SYMPK: variants seen among roughly 807,000 people sequenced by gnomAD.
SYMPK encodes symplekin.
In SYMPK, 49 loss-of-function variants were observed where a neutral mutation model predicts 136.4. That is an observed-to-expected ratio of 0.36 (90% CI 0.29 to 0.46). SYMPK has a LOEUF of 0.46. Among genes scored for constraint, SYMPK ranks in the 20% least tolerant of loss-of-function variants. The pLI, the probability that SYMPK is intolerant of heterozygous loss-of-function variation, is 1.00. For missense variants in SYMPK, 1,365 were observed against 1,690.0 expected, an observed-to-expected ratio of 0.81 and a Z score of 3.37; for synonymous variants, 766 against 713.0, an observed-to-expected ratio of 1.07 and a Z score of -1.19.
chr19:45,831,507 C>T lies in SYMPK; in HGVS notation c.1475G>A (p.Arg492His), dbSNP rs776672448. The T allele has an allele frequency of 5.0e-6, 8 of 1,611,276 alleles. No individual in the cohort carries two copies. The highest frequency in any genetic ancestry group is 1.3e-5 in the African/African-American group (1 of 74,778). ...GATGGCTTGGCCCTGGGCTGACAGG[C>T]GCCGCTTGATCAGGACGCTCTCTGT... ...VKTESVLIKR[R>H]LSAQGQAISV... is the part of the protein sequence containing the mutation. Residue 492 changes from arginine (R) to histidine (H), a missense_variant, in exon 12 of 27, where the codon CGC becomes CAC. Physicochemically the swap from Arg to His is conservative, Grantham distance 29 (BLOSUM62 0). This residue lies in a region of SYMPK where 46 missense variants were observed against 63.9 expected (regional missense o/e 0.72). Coordinates refer to ENST00000245934, the MANE Select transcript of SYMPK (RefSeq NM_004819.3).
chr19:45,849,861 C>T lies in SYMPK; in HGVS notation c.300-985G>A, dbSNP rs557419278. Among the ~76,000 whole-genome samples the T allele has an allele frequency of 1.4e-4, 22 of 152,036 alleles. No individual in the cohort carries two copies. In the South Asian group the frequency reaches 3.9e-3, roughly 27 times the overall value. On this transcript the variant is annotated intron_variant, in intron 5 of 26. Coordinates refer to ENST00000245934, the MANE Select transcript of SYMPK (RefSeq NM_004819.3). Reference sequence around the variant, plus strand: ...AGGAGTTTGAGACCAGCTTGACCAACGTGGTGAAACCCCATCTCTACTAAA... The same window carrying T: ...AGGAGTTTGAGACCAGCTTGACCAATGTGGTGAAACCCCATCTCTACTAAA...
chr19:45,854,553 C>A (rs2287718), intron 1 of SYMPK, 46 bp from the exon 2 acceptor site: 235,352 of 1,521,932 alleles, frequency 0.15, 18,726 homozygotes, highest in Admixed American at 0.21. Flanking sequence ...AGGGAACCAG[C>A]GGATGGGCTG....
In SYMPK at chr19:45,815,871, G is replaced by C. The variant is rs749343135; in HGVS notation, c.3667C>G (p.Leu1223Val). Reference protein sequence around the residue: ...LTEAALLDSSLEGPLPKETAA... With the variant: ...LTEAALLDSSVEGPLPKETAA... ...CCTACCTTGGGTAGGGGGCCCTCGAGACTAGAGTCCAACAGCGCGGCCTCG... is the reference window on the plus strand; with the variant it reads ...CCTACCTTGGGTAGGGGGCCCTCGACACTAGAGTCCAACAGCGCGGCCTCG... The change falls in exon 26 of 27, where the codon CTC becomes GTC. Residue 1223 changes from leucine to valine, a missense_variant. Leu to Val is a conservative substitution (Grantham distance 32, BLOSUM62 1). Coordinates refer to ENST00000245934, the MANE Select transcript of SYMPK (RefSeq NM_004819.3). 4 of 1,611,722 alleles carry C rather than the reference G, an allele frequency of 2.5e-6. No individual in the cohort carries two copies. The South Asian group carries it at 4.4e-5, about 18-fold the overall frequency.
chr19:45,823,657 A>T (rs1971143185), intron 19 of SYMPK, 110 bp downstream of exon 19: 1 of 1,050,816 alleles, frequency 9.5e-7, no homozygotes, highest in African/African-American at 1.6e-5. Context: ...ACAGGCACAG[A>T]CCCGCAAGAG....
In SYMPK at chr19:45,826,342, C is replaced by T. The variant is rs777036662; in HGVS notation, c.2213G>A (p.Arg738His). 2.5e-6 allele frequency: 4 copies of T among 1,613,978 alleles called. No homozygotes were observed. In the East Asian group the frequency reaches 6.7e-5, roughly 27 times the overall value. Residue 738 changes from arginine (R) to histidine (H), a missense_variant, in exon 17 of 27, where the codon CGC (arginine) becomes CAC (histidine). By Grantham distance (29) the Arg-to-His change is conservative. Transcript: ENST00000245934. The stretch of plus-strand genomic sequence containing the variant: ...CCGCAGCTGCTCCTTCTCATACATG[C>T]GTTTGATGAACAGCAGGGCCTGGGA... Reference protein sequence around the residue: ...VRSQALLFIKRMYEKEQLREY... With the variant: ...VRSQALLFIKHMYEKEQLREY...
At chr19:45,832,855 CAAAAA>C (rs10561490) in intron 11 of SYMPK, among the ~76,000 whole-genome samples, 19,641 of 118,664 alleles carry the variant, frequency 0.17, 1,344 homozygotes, top group Admixed American at 0.22. Context: ...ACTAAAAATA[CAAAAA>C]AAAAAAAAAA....
At chr19:45,841,286 TCC>T (rs34730430) in intron 9 of SYMPK, among the ~76,000 whole-genome samples, 3 of 143,462 alleles carry the variant, frequency 2.1e-5, no homozygotes, top group African/African-American at 7.8e-5. Flanking sequence ...GCCTGGCAAT[TCC>T]CCCCCCACCT....
At chr19:45,822,044 T>TC (rs1405638155) in intron 21 of SYMPK, among the ~76,000 whole-genome samples, 1 of 152,114 alleles carries the variant, frequency 6.6e-6, no homozygotes, top group East Asian at 1.9e-4. Context: ...CTCCATTTTT[T>TC]CTCTAGCACC....
intron 8 of SYMPK, chr19:45,842,727 C>G: frequency 1.9e-6 from 1 of 527,108 alleles, no homozygotes; most frequent in Non-Finnish European, 3.3e-6. Flanking sequence ...TTAGTAAATA[C>G]ATACAATTTC....
chr19:45,848,110 A>G (rs1185311329), intron 6 of SYMPK, 109 bp from the exon 7 acceptor site: 6 of 1,341,888 alleles, frequency 4.5e-6, no homozygotes, highest in Non-Finnish European at 6.0e-6. Flanking sequence ...TGATGAATAC[A>G]TTCATTTGGT....
chr19:45,835,038 T>G (rs1253256194), intron 11 of SYMPK, 40 bp downstream of exon 11: 1 of 1,475,572 alleles, frequency 6.8e-7, no homozygotes, highest in East Asian at 2.3e-5. Flanking sequence ...AAGCCACAAG[T>G]GCCAATCCCT....
intron 8 of SYMPK, among the ~76,000 whole-genome samples, chr19:45,843,382 G>C (rs1203523771): frequency 6.6e-6 from 1 of 152,148 alleles, no homozygotes; most frequent in East Asian, 1.9e-4. Flanking sequence ...ACAAAACAGA[G>C]AAAATGGTAT....
intron 3 of SYMPK, among the ~76,000 whole-genome samples, chr19:45,853,874 G>A (rs1971752252): frequency 2.0e-5 from 3 of 152,196 alleles, no homozygotes; most frequent in Non-Finnish European, 4.4e-5. Context: ...GATGAAGAGT[G>A]TAGGATTTGG....
intron 11 of SYMPK, among the ~76,000 whole-genome samples, chr19:45,833,307 T>C (rs987565672): frequency 4.6e-5 from 7 of 151,982 alleles, no homozygotes; most frequent in African/African-American, 1.7e-4. Context: ...TGTTCAAGAA[T>C]AGGTAAAACT....
At chr19:45,842,140 T>G (rs944627806) in intron 9 of SYMPK, 110 bp downstream of exon 9, 51 of 1,516,278 alleles carry the variant, frequency 3.4e-5, no homozygotes, top group Non-Finnish European at 4.5e-5. Context: ...CTGGCCCACA[T>G]AACATAATCT....
chr19:45,852,170 C>T (rs764709296), intron 5 of SYMPK, 142 bp downstream of exon 5: 49 of 825,964 alleles, frequency 5.9e-5, no homozygotes, highest in Non-Finnish European at 9.1e-5. Flanking sequence ...TAAGTATTTG[C>T]TGGGGAATCA....
In SYMPK at chr19:45,848,846, G is replaced by A. The variant is rs975417936; in HGVS notation, c.330C>T (p.Leu110=). ...CKRDIELLLK[L]IANLNMLLRD... is the part of the protein sequence containing the mutation. ...TCAAGAGCATGTTGAGGTTTGCAAT[G>A]AGTTTCAGCAGCAACTCAATGTCTC... Residue 110 remains leucine, a synonymous_variant, in exon 6 of 27, where the codon CTC becomes CTT. Coordinates refer to ENST00000245934, the MANE Select transcript of SYMPK (RefSeq NM_004819.3). The A allele has an allele frequency of 5.6e-6, 9 of 1,613,950 alleles. No individual in the cohort carries two copies. Among genetic ancestry groups the A allele is most frequent in the East Asian group, 2.2e-5 (1 of 44,888 alleles).
chr19:45,862,438 G>A (rs1379537567), intron 1 of SYMPK: 2 of 152,214 alleles, frequency 1.3e-5, no homozygotes, highest in Admixed American at 6.5e-5. Context: ...CGGCGTGATT[G>A]GCGCTGTGCT....
chr19:45,844,150 T>A lies in SYMPK; in HGVS notation c.727A>T (p.Met243Leu). 1.9e-6 allele frequency: 3 copies of A among 1,611,850 alleles called. No homozygotes were observed. The highest frequency in any genetic ancestry group is 2.5e-6 in the Non-Finnish European group (3 of 1,179,080). ...ATGGAGGAGATGGCAGGGTGCACCA[T>A]GAACTTAAGCAGCTGCTCCAAGGCT... is the stretch of plus-strand genomic sequence containing the variant. ...KAALEQLLKF[M>L]VHPAISSINL... Residue 243 changes from methionine (M) to leucine (L), a missense_variant, in exon 8 of 27, where the codon ATG (methionine) becomes TTG (leucine). Met to Leu is a conservative substitution (Grantham distance 15). This residue lies in a region of SYMPK where 237 missense variants were observed against 292.9 expected (regional missense o/e 0.81). Coordinates refer to ENST00000245934, the MANE Select transcript of SYMPK (RefSeq NM_004819.3).
Sources: allele counts gnomAD v4.1 joint callset (sites outside exome capture counted in the v4.1 genomes callset), GRCh38; gene constraint gnomAD v4.1.1; regional missense constraint gnomAD v4.1.1; transcripts MANE v1.5; gene names NCBI Gene and HGNC (gene_info 2026-07-23, HGNC 2026-07-21).